Variants in NRG1 observed in about 807,000 individuals in gnomAD.
NRG1 encodes the protein neuregulin 1, also known as pro-neuregulin-1, membrane-bound isoform.
NRG1 carries 18 observed loss-of-function variants against 63.8 expected under a neutral mutation model. That is an observed-to-expected ratio of 0.28 (90% CI 0.19 to 0.42). The LOEUF is 0.42. Among genes scored for constraint, NRG1 ranks in the 10% least tolerant of loss-of-function variants. The pLI, the probability that NRG1 is intolerant of heterozygous loss-of-function variation, is 1.00. For missense variants in NRG1, 762 were observed against 814.7 expected (o/e 0.94, Z 0.79); for synonymous variants, 302 against 301.3 (o/e 1.00, Z -0.02).
At chr8:32,171,741 C>A (rs890789261) in intron 1 of NRG1, among the ~76,000 whole-genome samples, 2 of 152,102 alleles carry the variant, frequency 1.3e-5, no homozygotes, top group Admixed American at 6.5e-5. Flanking sequence ...ACGGAGCCTC[C>A]CTCATTGCTA....
intron 1 of NRG1, among the ~76,000 whole-genome samples, chr8:32,160,383 T>C (rs1303019586): frequency 6.6e-6 from 1 of 152,252 alleles, no homozygotes; most frequent in African/African-American, 2.4e-5. Context: ...TTATTTATGC[T>C]CACACCACTC....
chr8:32,563,978 C>T (rs141936555), intron 1 of NRG1, among the ~76,000 whole-genome samples: 64 of 152,204 alleles, frequency 4.2e-4, no homozygotes, highest in Non-Finnish European at 7.9e-4. Context: ...ATTCTCCTCT[C>T]GATAAAATGA....
chr8:32,328,721 G>A (rs543101917), intron 1 of NRG1, among the ~76,000 whole-genome samples: 24 of 152,034 alleles, frequency 1.6e-4, no homozygotes, highest in Non-Finnish European at 3.2e-4. Flanking sequence ...GTTCCATATT[G>A]GTTTCTGAAG....
At chr8:32,170,699 T>A (rs1345407074) in intron 1 of NRG1, among the ~76,000 whole-genome samples, 1 of 152,194 alleles carries the variant, frequency 6.6e-6, no homozygotes, top group Non-Finnish European at 1.5e-5. Flanking sequence ...TAGGGATAGG[T>A]TGATGGCCAA....
At chr8:32,153,190 G>A (rs1837689553) in intron 1 of NRG1, among the ~76,000 whole-genome samples, 1 of 152,132 alleles carries the variant, frequency 6.6e-6, no homozygotes, top group Admixed American at 6.5e-5. Context: ...GAAGCAGAAG[G>A]CCGGTGGGAG....
chr8:32,350,644 TC>T (rs1402787177), intron 1 of NRG1, among the ~76,000 whole-genome samples: 1 of 152,138 alleles, frequency 6.6e-6, no homozygotes, highest in East Asian at 1.9e-4. Context: ...AGGTGTTTAT[TC>T]TTTTTGAGCC....
chr8:32,528,677 A>AGGG (rs1369146964), intron 1 of NRG1, among the ~76,000 whole-genome samples: 1 of 152,144 alleles, frequency 6.6e-6, no homozygotes, highest in East Asian at 1.9e-4. Flanking sequence ...ATATAATGTA[A>AGGG]GGGGGTTTGG....
intron 1 of NRG1, among the ~76,000 whole-genome samples, chr8:31,792,213 C>T (rs1290998567): frequency 3.9e-5 from 6 of 152,188 alleles, no homozygotes; most frequent in Non-Finnish European, 7.4e-5. Flanking sequence ...ACCTAGAACA[C>T]ATATATTAAT....
chr8:32,743,270 ATT>A, intron 7 of NRG1: 1 of 964,490 alleles, frequency 1.0e-6, no homozygotes, highest in Non-Finnish European at 1.2e-6. Flanking sequence ...GCATTGAGGC[ATT>A]TTTTTAAAAA....
At chr8:31,756,481 A>G (rs1816977281) in intron 1 of NRG1, among the ~76,000 whole-genome samples, 1 of 152,100 alleles carries the variant, frequency 6.6e-6, no homozygotes, top group Admixed American at 6.6e-5. Context: ...GCCGAGTTAC[A>G]TTAATGATGG....
At chr8:32,244,537 C>T (rs148947939) in intron 1 of NRG1, among the ~76,000 whole-genome samples, 7 of 152,262 alleles carry the variant, frequency 4.6e-5, no homozygotes, top group African/African-American at 1.4e-4. Flanking sequence ...GAAAGGGAAG[C>T]AGGGTTTTAT....
At chr8:31,958,152 G>A (rs2129625084) in intron 1 of NRG1, among the ~76,000 whole-genome samples, 1 of 152,122 alleles carries the variant, frequency 6.6e-6, no homozygotes, top group African/African-American at 2.4e-5. Context: ...GTATCTCTAA[G>A]TACATGAAGA....
chr8:32,387,733 A>G (rs534318604), intron 1 of NRG1, among the ~76,000 whole-genome samples: 1 of 152,292 alleles, frequency 6.6e-6, no homozygotes, highest in African/African-American at 2.4e-5. Context: ...AGAAAAAAAA[A>G]AAATAGATGC....
intron 1 of NRG1, among the ~76,000 whole-genome samples, chr8:32,035,032 G>A (rs985284876): frequency 6.6e-6 from 1 of 151,912 alleles, no homozygotes; most frequent in African/African-American, 2.4e-5. Flanking sequence ...CTTTAGTTGT[G>A]GTGTTAGGAT....
At chr8:31,779,730 A>G (rs1359047436) in intron 1 of NRG1, among the ~76,000 whole-genome samples, 1 of 152,206 alleles carries the variant, frequency 6.6e-6, no homozygotes, top group African/African-American at 2.4e-5. Context: ...CAGGAGACCC[A>G]AGTTCCTGTC....
chr8:31,905,768 A>T (rs569440832), intron 1 of NRG1, among the ~76,000 whole-genome samples: 90 of 152,360 alleles, frequency 5.9e-4, no homozygotes, highest in African/African-American at 2.0e-3. Context: ...AAATTTGAAA[A>T]ACAACAGCCG....
At chr8:32,718,322 A>G (rs13265311) in intron 5 of NRG1, among the ~76,000 whole-genome samples, 8 of 152,202 alleles carry the variant, frequency 5.3e-5, no homozygotes, top group South Asian at 2.1e-4. Context: ...AGCTCTTCTC[A>G]AATTTTCATG....
chr8:32,683,354 G>A (rs1486324885), intron 5 of NRG1, among the ~76,000 whole-genome samples: 2 of 152,192 alleles, frequency 1.3e-5, no homozygotes, highest in East Asian at 1.9e-4. Context: ...TTTAAGAAAA[G>A]CATTTGCAGA....
intron 3 of NRG1, among the ~76,000 whole-genome samples, chr8:32,608,092 G>GTTTTTTTTT (rs1226154193): frequency 1.1e-3 from 114 of 106,112 alleles, no homozygotes; most frequent in Middle Eastern, 5.6e-3. Flanking sequence ...GGTTTTTTTT[G>GTTTTTTTTT]TTTTTTTTTT....
Sources: allele counts gnomAD v4.1 joint callset (sites outside exome capture counted in the v4.1 genomes callset), GRCh38; gene constraint gnomAD v4.1.1; transcripts MANE v1.5; gene names NCBI Gene and HGNC (gene_info 2026-07-23, HGNC 2026-07-21).